TET1: variants seen among roughly 807,000 people sequenced by gnomAD.
The protein encoded by TET1 is methylcytosine dioxygenase TET1.
In TET1, 13 loss-of-function variants were observed where a neutral mutation model predicts 148.7. The observed-to-expected ratio is 0.09, with a 90% CI of 0.06 to 0.14. TET1 has a LOEUF of 0.14. TET1 is among the 10% of genes least tolerant of loss of function. The pLI is 1.00. For missense variants in TET1, 2,182 were observed against 2,553.8 expected (o/e 0.85, Z 3.14); for synonymous variants, 907 against 937.2 (o/e 0.97, Z 0.59).
chr10:68,627,945 GAAGA>G (rs920363769), intron 3 of TET1, among the ~76,000 whole-genome samples: 2 of 151,658 alleles, frequency 1.3e-5, no homozygotes, highest in Non-Finnish European at 2.9e-5. Context: ...AAAAAAAAAA[GAAGA>G]AAGAAAGCAC....
chr10:68,659,452 G>A (rs2133145502), intron 6 of TET1, among the ~76,000 whole-genome samples: 1 of 152,094 alleles, frequency 6.6e-6, no homozygotes, highest in East Asian at 1.9e-4. Context: ...TCGAGTAGCT[G>A]GGATTACAGG....
At chr10:68,576,020 A>T (rs1376243089) in intron 2 of TET1, among the ~76,000 whole-genome samples, 1 of 131,066 alleles carries the variant, frequency 7.6e-6, no homozygotes, top group Non-Finnish European at 1.5e-5. Flanking sequence ...ACTCCATCTC[A>T]AAAAAAAAAA....
chr10:68,684,893 A>T (rs929851083), intron 10 of TET1, among the ~76,000 whole-genome samples: 2 of 151,996 alleles, frequency 1.3e-5, no homozygotes, highest in Admixed American at 6.6e-5. Flanking sequence ...ACATTTATTG[A>T]TGTGACATTC....
At chr10:68,636,778 G>A (rs1024531085) in intron 3 of TET1, among the ~76,000 whole-genome samples, 2 of 152,160 alleles carry the variant, frequency 1.3e-5, no homozygotes, top group Admixed American at 1.3e-4. Context: ...ACCAAGGTAA[G>A]GAGAGTGGAG....
chr10:68,643,930 AG>A (rs2054800074), intron 3 of TET1, among the ~76,000 whole-genome samples: 1 of 137,192 alleles, frequency 7.3e-6, no homozygotes, highest in African/African-American at 3.6e-5. Flanking sequence ...TTTGAGACAG[AG>A]TCTCACTCAG....
chr10:68,627,871 G>A (rs2054509545), intron 3 of TET1, among the ~76,000 whole-genome samples: 1 of 152,142 alleles, frequency 6.6e-6, no homozygotes, highest in South Asian at 2.1e-4. Flanking sequence ...GAGAGGCGGA[G>A]GTTGCAGTGA....
intron 3 of TET1, among the ~76,000 whole-genome samples, chr10:68,612,687 C>T (rs1442523774): frequency 2.0e-5 from 3 of 151,968 alleles, no homozygotes; most frequent in Non-Finnish European, 2.9e-5. Context: ...GGCAAGATCT[C>T]GGCTCACTGT....
chr10:68,632,078 A>C (rs1028472037), intron 3 of TET1, among the ~76,000 whole-genome samples: 3 of 151,988 alleles, frequency 2.0e-5, no homozygotes, highest in African/African-American at 7.2e-5. Flanking sequence ...TAATCGCAGC[A>C]CTTTGGAAGG....
intron 3 of TET1, among the ~76,000 whole-genome samples, chr10:68,622,439 AT>A (rs551861664): frequency 6.6e-6 from 1 of 151,384 alleles, no homozygotes; most frequent in Admixed American, 6.6e-5. Flanking sequence ...TAATTTTTGT[AT>A]TTTTTTTAGT....
chr10:68,664,467 G>A (rs2055167100), intron 6 of TET1, among the ~76,000 whole-genome samples: 1 of 150,278 alleles, frequency 6.7e-6, no homozygotes, highest in Non-Finnish European at 1.5e-5. Flanking sequence ...GGAGTGCAGT[G>A]GCGAGATCTG....
chr10:68,616,540 A>G (rs543428611), intron 3 of TET1, among the ~76,000 whole-genome samples: 44 of 151,838 alleles, frequency 2.9e-4, no homozygotes, highest in Non-Finnish European at 5.0e-4. Flanking sequence ...ATCTTTTGAG[A>G]ATTTTTTTTT....
chr10:68,621,212 G>T (rs2054365324), intron 3 of TET1, among the ~76,000 whole-genome samples: 1 of 152,134 alleles, frequency 6.6e-6, no homozygotes, highest in Admixed American at 6.6e-5. Context: ...AAGGTGGGAG[G>T]ATTGCTTGAG....
chr10:68,589,046 T>C (rs1326402813), intron 2 of TET1, among the ~76,000 whole-genome samples: 1 of 151,886 alleles, frequency 6.6e-6, no homozygotes, highest in Admixed American at 6.6e-5. Flanking sequence ...TTGCTTGAGC[T>C]GGGGAGATGG....
rs189148248 is a variant in TET1 at position 68,683,858 on chromosome 10, C to T, written c.5052+885C>T. Among the ~76,000 whole-genome samples the T allele has an allele frequency of 2.1e-3, 322 of 152,284 alleles. 4 individuals carry two copies. The highest frequency in any genetic ancestry group is 7.3e-3 in the African/African-American group (303 of 41,544). On this transcript the variant is annotated intron_variant, in intron 10 of 11. Coordinates refer to ENST00000373644, the MANE Select transcript of TET1 (RefSeq NM_030625.3). Reference sequence around the variant, plus strand: ...CAGCAATATTTGCATTCTGGTATGCCTACTATGTTTATAGTTATGTAAATC... The same window carrying T: ...CAGCAATATTTGCATTCTGGTATGCTTACTATGTTTATAGTTATGTAAATC...
intron 2 of TET1, among the ~76,000 whole-genome samples, chr10:68,579,471 A>G (rs767479937): frequency 3.3e-5 from 5 of 152,172 alleles, no homozygotes; most frequent in Non-Finnish European, 5.9e-5. Flanking sequence ...TATCTTTACT[A>G]TCAACAAGTA....
Position 68,573,101 on chromosome 10 carries a change from A to G in TET1, c.763A>G (p.Arg255Gly). The G allele has an allele frequency of 1.9e-6, 3 of 1,614,130 alleles. No individual in the cohort carries two copies. Among genetic ancestry groups the G allele is most frequent in the Non-Finnish European group, 2.5e-6 (3 of 1,180,006 alleles). ...CACAGTGTGTGCTCCTTTTCCCCAAAGAGCAACCCCCAAAGTTACCTCTCA... is the reference window on the plus strand; with the variant it reads ...CACAGTGTGTGCTCCTTTTCCCCAAGGAGCAACCCCCAAAGTTACCTCTCA... ...QDTVCAPFPQ[R>G]ATPKVTSQGN... Residue 255 changes from arginine to glycine, a missense_variant, in exon 2 of 12, where the codon AGA becomes GGA. By Grantham distance (125) the Arg-to-Gly change is moderately radical. Transcript: ENST00000373644.
At chr10:68,639,150 CT>C (rs552031134) in intron 3 of TET1, among the ~76,000 whole-genome samples, 41 of 148,420 alleles carry the variant, frequency 2.8e-4, no homozygotes, top group Non-Finnish European at 4.6e-4. Context: ...TTCTTTCTTT[CT>C]TTTTTTTTTC....
chr10:68,634,171 G>A (rs530136126), intron 3 of TET1, among the ~76,000 whole-genome samples: 3 of 152,276 alleles, frequency 2.0e-5, no homozygotes, highest in African/African-American at 7.2e-5. Context: ...TTACAGGCAT[G>A]AGCCACCGCA....
At chr10:68,690,001 G>C (rs910655937) in intron 11 of TET1, among the ~76,000 whole-genome samples, 1 of 152,150 alleles carries the variant, frequency 6.6e-6, no homozygotes, top group Non-Finnish European at 1.5e-5. Flanking sequence ...ACTTCCCTCT[G>C]CCTAACCTTG....
Sources: gnomAD v4.1 joint callset for allele counts (sites outside exome capture counted in the v4.1 genomes callset) on GRCh38, gnomAD v4.1.1 for gene constraint, MANE v1.5 for transcripts, NCBI Gene and HGNC (gene_info 2026-07-23, HGNC 2026-07-21) for gene names.